GXYLT1: variants seen among roughly 807,000 people sequenced by gnomAD.
GXYLT1 encodes the protein glycosyltransferase 8 domain containing 3.
In GXYLT1, 29 loss-of-function variants were observed where a neutral mutation model predicts 54.0. The observed-to-expected ratio is 0.54, with a 90% CI of 0.40 to 0.73. GXYLT1 has a LOEUF of 0.73. Ranked by LOEUF, GXYLT1 falls within the 30% of genes least tolerant of loss-of-function variation. The probability of loss-of-function intolerance (pLI) is 0.00; values close to 1 mark genes in which losing one functional copy is unlikely to be tolerated. For synonymous variants in GXYLT1, 176 were observed against 204.1 expected (o/e 0.86, Z 1.17); for missense variants, 490 against 553.4 (o/e 0.89, Z 1.15).
intron 5 of GXYLT1, among the ~76,000 whole-genome samples, chr12:42,098,760 C>CATTATATATATAT (rs1555139377): frequency 1.0e-5 from 1 of 96,918 alleles, no homozygotes; most frequent in East Asian, 3.6e-4. Flanking sequence ...AAATTTAAAA[C>CATTATATATATAT]ATATATATAT....
At chr12:42,127,858 A>G (rs985431828) in intron 2 of GXYLT1, among the ~76,000 whole-genome samples, 1 of 152,236 alleles carries the variant, frequency 6.6e-6, no homozygotes, top group Non-Finnish European at 1.5e-5. Flanking sequence ...TTATCTTTAA[A>G]AGTTAATTTT....
intron 1 of GXYLT1, among the ~76,000 whole-genome samples, chr12:42,138,671 T>G (rs573013252): frequency 6.6e-6 from 1 of 152,200 alleles, no homozygotes; most frequent in South Asian, 2.1e-4. Context: ...AAAATTTAAG[T>G]TTATACGTAG....
intron 3 of GXYLT1, among the ~76,000 whole-genome samples, chr12:42,117,881 T>C (rs1217895435): frequency 1.3e-5 from 2 of 152,182 alleles, no homozygotes; most frequent in African/African-American, 4.8e-5. Context: ...ACCAATGGGA[T>C]ACTGGCAGAA....
chr12:42,102,500 A>G (rs973119179), intron 5 of GXYLT1, among the ~76,000 whole-genome samples: 6 of 152,204 alleles, frequency 3.9e-5, no homozygotes, highest in African/African-American at 1.4e-4. Flanking sequence ...TTATCTATCA[A>G]GTTGCTACTT....
intron 1 of GXYLT1, among the ~76,000 whole-genome samples, chr12:42,130,998 A>C (rs1215522428): frequency 2.6e-5 from 4 of 152,154 alleles, no homozygotes; most frequent in East Asian, 1.9e-4. Context: ...GCCCCAAAAA[A>C]ACCCGAAAAT....
chr12:42,144,416 C>A lies in GXYLT1; in HGVS notation c.221+10G>T, dbSNP rs1040437378. 1.9e-5 allele frequency: 26 copies of A among 1,342,440 alleles called. No individual in the cohort carries two copies. The highest frequency in any genetic ancestry group is 3.4e-5 in the East Asian group (1 of 29,346). The allele number at this position is 1,342,440 out of a possible 1,614,324, so 83.2% of individuals were successfully genotyped here. ...CCCGCCGCGTCCCCCACACCGGGAA[C>A]TGCCCGTACCTGTCCGACACGCCGG... On this transcript the variant is annotated intron_variant, in intron 1 of 7. Transcript: ENST00000398675.
chr12:42,110,768 T>A (rs539359105), intron 3 of GXYLT1, among the ~76,000 whole-genome samples: 1 of 152,356 alleles, frequency 6.6e-6, no homozygotes, highest in Non-Finnish European at 1.5e-5. Context: ...CTCCACTTAT[T>A]AATCACTTAA....
chr12:42,122,312 G>A (rs1039886140), intron 2 of GXYLT1, among the ~76,000 whole-genome samples: 5 of 152,184 alleles, frequency 3.3e-5, no homozygotes, highest in Non-Finnish European at 7.3e-5. Context: ...AACCCTGGCC[G>A]GGCACGGTGG....
intron 7 of GXYLT1, among the ~76,000 whole-genome samples, chr12:42,088,649 T>C (rs903772717): frequency 1.3e-5 from 2 of 152,162 alleles, no homozygotes; most frequent in African/African-American, 2.4e-5. Context: ...TGGAAAAGGC[T>C]GTGGTAGTAA....
intron 3 of GXYLT1, among the ~76,000 whole-genome samples, chr12:42,110,903 A>C (rs996535819): frequency 6.6e-6 from 1 of 152,252 alleles, no homozygotes; most frequent in South Asian, 2.1e-4. Flanking sequence ...CAAAAGCAAA[A>C]CCAAACATTC....
chr12:42,088,080 G>C (rs2065307648), intron 7 of GXYLT1, 133 bp from the exon 8 acceptor site: 1 of 459,694 alleles, frequency 2.2e-6, no homozygotes, highest in Admixed American at 4.2e-5. Flanking sequence ...GAAATTAGAT[G>C]TTTAACAAAT....
In GXYLT1 at chr12:42,087,720, A is replaced by G. The variant is rs1243299255; in HGVS notation, c.*66T>C. On this transcript the variant is annotated 3_prime_UTR_variant, in exon 8 of 8. Coordinates refer to ENST00000398675, the MANE Select transcript of GXYLT1 (RefSeq NM_173601.2). ...TTCCTTCCTGAATACTTCATCCAAG[A>G]CGATTCCTTCACACTTATCTTCTGA... 1.3e-5 allele frequency: 15 copies of G among 1,192,156 alleles called. No homozygotes were observed. Among genetic ancestry groups the G allele is most frequent in the Non-Finnish European group, 1.8e-5 (15 of 852,160 alleles). The allele number at this position is 1,192,156 out of a possible 1,614,324, so 73.8% of individuals were successfully genotyped here. A position where few individuals can be genotyped will look rare whatever the true frequency, so the allele number is the denominator to read the frequency against.
At chr12:42,115,821 A>C in intron 3 of GXYLT1, among the ~76,000 whole-genome samples, 2 of 150,122 alleles carry the variant, frequency 1.3e-5, no homozygotes, top group Non-Finnish European at 3.0e-5. Context: ...TGCGTCGCCA[A>C]GTCAATGCTA....
chr12:42,133,423 T>C (rs532435574), intron 1 of GXYLT1, among the ~76,000 whole-genome samples: 1 of 152,276 alleles, frequency 6.6e-6, no homozygotes, highest in Admixed American at 6.5e-5. Flanking sequence ...CTCCACATCC[T>C]ATTTCTTGGA....
At chr12:42,107,693 A>G (rs2065429258) in intron 4 of GXYLT1, among the ~76,000 whole-genome samples, 1 of 152,138 alleles carries the variant, frequency 6.6e-6, no homozygotes, top group African/African-American at 2.4e-5. Context: ...TCTGTCTCAA[A>G]AAAAAAGGTG....
At position 42,091,295 on chromosome 12, in the gene GXYLT1, A is replaced by T. The variant is rs190341287; in HGVS notation, c.1162-3348T>A. Among the ~76,000 whole-genome samples the T allele has an allele frequency of 2.6e-3, 402 of 151,952 alleles. 5 individuals carry two copies. In the South Asian group the frequency reaches 0.046, roughly 17 times the overall value. On this transcript the variant is annotated intron_variant, in intron 7 of 7. Coordinates refer to ENST00000398675, the MANE Select transcript of GXYLT1 (RefSeq NM_173601.2). ...ATCCTTTTAAAAATAAGATTTTTTT[A>T]AAAAAAAATCAAGTGTAATTAATCA... is the stretch of plus-strand genomic sequence containing the variant.
At chr12:42,119,477 A>G (rs992694707) in intron 2 of GXYLT1, among the ~76,000 whole-genome samples, 1 of 151,962 alleles carries the variant, frequency 6.6e-6, no homozygotes. Context: ...GGAGGGAGGG[A>G]AGGAAAAAAA....
At chr12:42,120,059 T>C (rs1490311853) in intron 2 of GXYLT1, among the ~76,000 whole-genome samples, 3 of 152,094 alleles carry the variant, frequency 2.0e-5, no homozygotes, top group Non-Finnish European at 4.4e-5. Context: ...AAATCAGAGC[T>C]TAACTCTCTC....
intron 4 of GXYLT1, among the ~76,000 whole-genome samples, chr12:42,107,448 T>C (rs546191342): frequency 6.6e-6 from 1 of 152,266 alleles, no homozygotes; most frequent in East Asian, 1.9e-4. Context: ...CCTAGCACTT[T>C]GGGAGGCTGA....
Sources: gnomAD v4.1 joint callset for allele counts (sites outside exome capture counted in the v4.1 genomes callset) on GRCh38, gnomAD v4.1.1 for gene constraint, MANE v1.5 for transcripts, NCBI Gene and HGNC (gene_info 2026-07-23, HGNC 2026-07-21) for gene names.